The following ZDHHC11B variants were observed in gnomAD, a reference collection of about 807,000 sequenced individuals.
The protein encoded by ZDHHC11B is probable palmitoyltransferase ZDHHC11B.
ZDHHC11B carries 17 observed loss-of-function variants against 42.3 expected under a neutral mutation model. The ratio of observed to expected loss-of-function variants is 0.40; its 90% confidence interval spans 0.27 to 0.60. The LOEUF is 0.60. Ranked by LOEUF, ZDHHC11B falls within the 20% of genes least tolerant of loss-of-function variation. The pLI is 0.41. For synonymous variants in ZDHHC11B, 123 were observed against 193.5 expected, an observed-to-expected ratio of 0.64 and a Z score of 3.02; for missense variants, 262 against 463.2, an observed-to-expected ratio of 0.57 and a Z score of 3.99.
intron 8 of ZDHHC11B, 37 bp downstream of exon 8, chr5:748,353 CTCTGACCAACCAGG>C (rs1745103232): frequency 9.5e-7 from 1 of 1,056,410 alleles, no homozygotes; most frequent in Non-Finnish European, 1.3e-6. Context: ...AGATGAGCAG[CTCTGACCAACCAGG>C]CTTGGGGGGA....
Position 733,487 on chromosome 5 carries a change from C to T in ZDHHC11B, c.1023+265G>A, listed in dbSNP as rs181283318. Among the ~76,000 whole-genome samples, 350 of 151,720 alleles carry T rather than the reference C, an allele frequency of 2.3e-3. 1 individual carries two copies. The highest frequency in any genetic ancestry group is 8.1e-3 in the African/African-American group (334 of 41,144). On this transcript the variant is annotated intron_variant, in intron 11 of 13. Transcript: ENST00000508859. ...CCTGCCCTGGGCATCTGCCCATCAC[C>T]GCAGCTTCTTGGTGGTGCTCCAGTG...
intron 11 of ZDHHC11B, among the ~76,000 whole-genome samples, chr5:731,301 A>C (rs1387033257): frequency 2.0e-5 from 3 of 149,780 alleles, no homozygotes; most frequent in Non-Finnish European, 4.4e-5. Flanking sequence ...AGTGGTCTCA[A>C]ACTCCTGGCC....
chr5:717,993 A>G (rs1021073070), intron 12 of ZDHHC11B, among the ~76,000 whole-genome samples: 6 of 151,910 alleles, frequency 3.9e-5, no homozygotes, highest in East Asian at 1.9e-4. Context: ...AGGAAAAATT[A>G]CACAGAAGGA....
intron 4 of ZDHHC11B, among the ~76,000 whole-genome samples, chr5:766,309 C>CA (rs1325674997): frequency 6.6e-6 from 1 of 151,640 alleles, no homozygotes; most frequent in Non-Finnish European, 1.5e-5. Flanking sequence ...GGACCCCTGC[C>CA]GCTGGAAGAT....
chr5:776,217 C>A lies in ZDHHC11B; in HGVS notation c.-229-7287G>T, dbSNP rs375451643. On this transcript the variant is annotated intron_variant, in intron 1 of 13. Transcript: ENST00000508859. ...CTAGGGCCAGACCCCACTGCTGGAA[C>A]GGGACCCTCTCGTGCCTGCAGGTGG... Among the ~76,000 whole-genome samples, 10 of 151,878 alleles carry A rather than the reference C, an allele frequency of 6.6e-5. 1 individual carries two copies. The East Asian group carries it at 1.7e-3, about 26-fold the overall frequency.
intron 1 of ZDHHC11B, among the ~76,000 whole-genome samples, chr5:775,769 G>A (rs1403327940): frequency 2.0e-5 from 3 of 151,658 alleles, no homozygotes; most frequent in African/African-American, 2.4e-5. Context: ...TGGCTCAGAT[G>A]CCTCTCTCCA....
At chr5:772,960 T>C (rs1406618355) in intron 1 of ZDHHC11B, among the ~76,000 whole-genome samples, 1 of 151,888 alleles carries the variant, frequency 6.6e-6, no homozygotes, top group African/African-American at 2.4e-5. Context: ...AATGACAGAA[T>C]GAATTAGGCA....
intron 4 of ZDHHC11B, among the ~76,000 whole-genome samples, chr5:758,025 C>T (rs1271141813): frequency 6.6e-6 from 1 of 151,792 alleles, no homozygotes; most frequent in East Asian, 1.9e-4. Context: ...CTGGGCCGGG[C>T]ACAGGGCTCA....
intron 12 of ZDHHC11B, among the ~76,000 whole-genome samples, chr5:718,082 GAA>G (rs1741892183): frequency 1.3e-5 from 2 of 151,870 alleles, no homozygotes; most frequent in Non-Finnish European, 2.9e-5. Flanking sequence ...AAAAAGAAAA[GAA>G]AATATTAATT....
At chr5:728,112 G>T (rs1207447879) in intron 12 of ZDHHC11B, among the ~76,000 whole-genome samples, 29 of 151,676 alleles carry the variant, frequency 1.9e-4, no homozygotes, top group Admixed American at 1.6e-3. Flanking sequence ...CATTTGAAAA[G>T]CTAATTCATA....
At chr5:749,379 C>T (rs433952) in intron 7 of ZDHHC11B, among the ~76,000 whole-genome samples, 6 of 129,350 alleles carry the variant, frequency 4.6e-5, no homozygotes, top group African/African-American at 1.5e-4. Flanking sequence ...GGCAGAGGGT[C>T]GGGCAAGGCA....
chr5:760,688 G>A (rs751907114), intron 4 of ZDHHC11B, among the ~76,000 whole-genome samples: 6 of 151,794 alleles, frequency 4.0e-5, no homozygotes, highest in East Asian at 1.9e-4. Context: ...CGGTGGAATC[G>A]CAGATGCAAA....
chr5:771,651 C>A (rs1236753623), intron 1 of ZDHHC11B, among the ~76,000 whole-genome samples: 1 of 151,758 alleles, frequency 6.6e-6, no homozygotes, highest in Admixed American at 6.6e-5. Flanking sequence ...CCTGTGTTTC[C>A]CCTGGGCCTC....
At chr5:763,679 T>C in intron 4 of ZDHHC11B, among the ~76,000 whole-genome samples, 1 of 151,736 alleles carries the variant, frequency 6.6e-6, no homozygotes. Flanking sequence ...CACGCATCTG[T>C]AGAGACTTGT....
intron 9 of ZDHHC11B, among the ~76,000 whole-genome samples, chr5:742,351 A>G (rs1283237410): frequency 2.0e-5 from 3 of 146,640 alleles, no homozygotes; most frequent in African/African-American, 7.5e-5. Flanking sequence ...TTTTTTTACA[A>G]TTGCACTTTG....
intron 1 of ZDHHC11B, among the ~76,000 whole-genome samples, chr5:774,805 T>A (rs4079447): frequency 2.0e-5 from 3 of 151,230 alleles, no homozygotes; most frequent in Admixed American, 6.6e-5. Flanking sequence ...AGCCTGTAAC[T>A]AGGGCCTGGG....
intron 4 of ZDHHC11B, among the ~76,000 whole-genome samples, chr5:764,141 C>T (rs772323772): frequency 6.6e-6 from 1 of 151,996 alleles, no homozygotes; most frequent in Non-Finnish European, 1.5e-5. Flanking sequence ...GCGATACACA[C>T]CACGCTCACC....
intron 1 of ZDHHC11B, among the ~76,000 whole-genome samples, chr5:777,548 G>C (rs148283689): frequency 1.6e-4 from 24 of 151,866 alleles, no homozygotes; most frequent in African/African-American, 4.4e-4. Flanking sequence ...ATGGAGTCAG[G>C]TTGCGGCAGG....
chr5:716,660 T>A, intron 13 of ZDHHC11B, 141 bp downstream of exon 13: 1 of 1,020,576 alleles, frequency 9.8e-7, no homozygotes, highest in Non-Finnish European at 1.5e-6. Flanking sequence ...TGTTCTGGGG[T>A]TACTGTTGAC....
Sources: allele counts gnomAD v4.1 joint callset (sites outside exome capture counted in the v4.1 genomes callset), GRCh38; gene constraint gnomAD v4.1.1; transcripts MANE v1.5; gene names NCBI Gene and HGNC (gene_info 2026-07-23, HGNC 2026-07-21).